Variants in LARP1 observed in about 807,000 individuals in gnomAD.
LARP1 encodes the protein La ribonucleoprotein 1, translational regulator.
In LARP1, 36 loss-of-function variants were observed where a neutral mutation model predicts 122.7. The ratio of observed to expected loss-of-function variants is 0.29; its 90% CI spans 0.22 to 0.39. The LOEUF (loss-of-function observed/expected upper bound fraction) is 0.39. LARP1 is among the 10% of genes least tolerant of loss of function. The pLI, the probability that LARP1 is intolerant of heterozygous loss-of-function variation, is 1.00. For missense variants in LARP1, 1,040 were observed against 1,403.6 expected (o/e 0.74, Z 4.14); for synonymous variants, 539 against 528.7 (o/e 1.02, Z -0.27).
intron 1 of LARP1, among the ~76,000 whole-genome samples, chr5:154,781,545 A>G (rs553585536): frequency 8.9e-4 from 135 of 151,968 alleles, no homozygotes; most frequent in African/African-American, 2.8e-3. Flanking sequence ...GTGAGCCGAG[A>G]TGGCGCCATT....
At chr5:154,771,761 C>T (rs2113664825) in intron 1 of LARP1, among the ~76,000 whole-genome samples, 1 of 152,254 alleles carries the variant, frequency 6.6e-6, no homozygotes, top group South Asian at 2.1e-4. Flanking sequence ...TCTTATTCCC[C>T]TAGAGATGTT....
At chr5:154,730,309 C>T (rs1490995022) in intron 1 of LARP1, among the ~76,000 whole-genome samples, 3 of 151,932 alleles carry the variant, frequency 2.0e-5, no homozygotes, top group Non-Finnish European at 4.4e-5. Context: ...CCACCTCAGC[C>T]TCCCGAGTAG....
Position 154,801,988 on chromosome 5 carries a change from T to G in LARP1, c.1717-19T>G, listed in dbSNP as rs745475468. 1 of 1,586,816 alleles carries G rather than the reference T, an allele frequency of 6.3e-7. No homozygotes were observed. The highest frequency in any genetic ancestry group is 8.6e-7 in the Non-Finnish European group (1 of 1,166,630). On this transcript the variant is annotated intron_variant, in intron 10 of 18. Transcript: ENST00000518297. ...GGATCTCTGGTGATTCCTTTTCCCC[T>G]TCGTCTGTCCTATTTTAGAAGTCAG...
intron 16 of LARP1, among the ~76,000 whole-genome samples, chr5:154,811,029 G>A (rs574113700): frequency 1.3e-5 from 2 of 152,316 alleles, no homozygotes; most frequent in South Asian, 2.1e-4. Context: ...GTAAACAAAT[G>A]TCTGTGGCAG....
chr5:154,727,725 T>G (rs1756314055), intron 1 of LARP1, among the ~76,000 whole-genome samples: 1 of 152,238 alleles, frequency 6.6e-6, no homozygotes, highest in African/African-American at 2.4e-5. Flanking sequence ...ATATATATTT[T>G]AAAACATCAT....
At chr5:154,793,352 G>T (rs142167531) in intron 4 of LARP1, among the ~76,000 whole-genome samples, 2 of 152,148 alleles carry the variant, frequency 1.3e-5, no homozygotes, top group Admixed American at 6.5e-5. Flanking sequence ...TCCAGAAGGG[G>T]ATTCTGTGGC....
At chr5:154,685,173 G>A (rs1010796422) in intron 1 of LARP1, among the ~76,000 whole-genome samples, 1 of 152,048 alleles carries the variant, frequency 6.6e-6, no homozygotes, top group African/African-American at 2.4e-5. Flanking sequence ...GAACCCGGAG[G>A]GTGGAGGTTG....
At chr5:154,788,327 G>T (rs565122996) in intron 1 of LARP1, among the ~76,000 whole-genome samples, 1 of 152,284 alleles carries the variant, frequency 6.6e-6, no homozygotes, top group African/African-American at 2.4e-5. Flanking sequence ...GGATGCTGTT[G>T]GCTGGGTTCC....
rs1753819437 is a variant in LARP1, at chr5:154,755,800, C to G, written c.43C>G (p.Leu15Val). 1 of 990,702 alleles carries G rather than the reference C, an allele frequency of 1.0e-6. No homozygotes were observed. Among genetic ancestry groups the G allele is most frequent in the South Asian group, 4.4e-5 (1 of 22,852 alleles). The allele number at this position is 990,702 out of a possible 1,614,324, so 61.4% of individuals were successfully genotyped here. A position where few individuals can be genotyped will look rare whatever the true frequency, so the allele number is the denominator to read the frequency against. ...VEPLLPGGAT[L>V]LQAEEHGGLV... ...GCCGCTGCTGCCTGGGGGCGCCACG[C>G]TCTTGCAGGCCGAAGAGCACGGGGG... Residue 15 changes from leucine to valine, a missense_variant, in exon 1 of 19, where the codon CTC becomes GTC. This residue lies in a region of LARP1 where 257 missense variants were observed against 273.3 expected (regional missense o/e 0.94). Coordinates refer to ENST00000518297, the MANE Select transcript of LARP1 (RefSeq NM_033551.3).
chr5:154,709,712 G>A (rs1157402760), upstream of LARP1, among the ~76,000 whole-genome samples: 3 of 149,996 alleles, frequency 2.0e-5, no homozygotes, highest in African/African-American at 4.9e-5. Context: ...GCAGATGGAA[G>A]CAGTAAATAA....
At chr5:154,789,466 C>T (rs111312779) in intron 1 of LARP1, among the ~76,000 whole-genome samples, 7,257 of 152,120 alleles carry the variant, frequency 0.048, 225 homozygotes, top group Middle Eastern at 0.075. Context: ...GGTGATCCAC[C>T]TGCCTTGGCC....
At chr5:154,789,239 T>TTTG (rs1757145482) in intron 1 of LARP1, among the ~76,000 whole-genome samples, 1 of 145,550 alleles carries the variant, frequency 6.9e-6, no homozygotes, top group Non-Finnish European at 1.5e-5. Context: ...TTTTTTTTTT[T>TTTG]GAGACAGTCT....
intron 1 of LARP1, among the ~76,000 whole-genome samples, chr5:154,759,760 C>T (rs1412637957): frequency 6.6e-6 from 1 of 152,154 alleles, no homozygotes; most frequent in South Asian, 2.1e-4. Context: ...AACTGTACTT[C>T]AGGTACCCAT....
intron 1 of LARP1, among the ~76,000 whole-genome samples, chr5:154,778,982 C>T (rs986605776): frequency 1.3e-5 from 2 of 152,132 alleles, no homozygotes; most frequent in East Asian, 3.9e-4. Context: ...ACAGAGTGTC[C>T]TGAATTGCTA....
intron 1 of LARP1, among the ~76,000 whole-genome samples, chr5:154,736,242 T>C (rs1756889653): frequency 6.6e-6 from 1 of 151,834 alleles, no homozygotes; most frequent in African/African-American, 2.4e-5. Context: ...ATTACAGGCG[T>C]GTGCCACCAC....
chr5:154,785,825 C>G (rs1468891794), intron 1 of LARP1, among the ~76,000 whole-genome samples: 2 of 152,170 alleles, frequency 1.3e-5, no homozygotes, highest in Non-Finnish European at 2.9e-5. Flanking sequence ...TTCCTCTCTG[C>G]CCTGCCATTC....
chr5:154,717,228 C>T (rs1046789241), intron 1 of LARP1, among the ~76,000 whole-genome samples: 4 of 152,044 alleles, frequency 2.6e-5, no homozygotes, highest in Admixed American at 2.6e-4. Context: ...TTAAACAGGG[C>T]TTGTGACATC....
rs1183954307 is a variant in LARP1 at position 154,815,490 on chromosome 5, C to T, written c.*1394C>T. 6.6e-6 allele frequency: 1 copy of T among 152,114 alleles called. No homozygotes were observed. Among genetic ancestry groups the T allele is most frequent in the East Asian group, 1.9e-4 (1 of 5,182 alleles). 9.4% of individuals were successfully genotyped at this position (152,114 alleles called of 1,614,324 possible). A position where few individuals can be genotyped will look rare whatever the true frequency, so the allele number is the denominator to read the frequency against. ...AGGCTTGGAAACGTTTCTTGTGTTG[C>T]CCTGAAAAATCTTTGAGACCTCAGG... On this transcript the variant is annotated 3_prime_UTR_variant, in exon 19 of 19. Coordinates refer to ENST00000518297, the MANE Select transcript of LARP1 (RefSeq NM_033551.3).
At chr5:154,786,755 A>G (rs1756918399) in intron 1 of LARP1, 3 of 202,062 alleles carry the variant, frequency 1.5e-5, no homozygotes, top group Non-Finnish European at 3.2e-5. Flanking sequence ...GGGAGTCAAG[A>G]CCTACAGCTT....
Sources: allele counts gnomAD v4.1 joint callset (sites outside exome capture counted in the v4.1 genomes callset), GRCh38; gene constraint gnomAD v4.1.1; regional missense constraint gnomAD v4.1.1; transcripts MANE v1.5; gene names NCBI Gene and HGNC (gene_info 2026-07-23, HGNC 2026-07-21).